The following CCDC83 variants were observed in gnomAD, a reference collection of about 807,000 sequenced individuals.
CCDC83 encodes the protein coiled-coil domain containing 83, also known as coiled-coil domain-containing protein 83.
A neutral mutation model predicts 50.1 loss-of-function variants in CCDC83; 54 were observed. The ratio of observed to expected loss-of-function variants is 1.08; its 90% confidence interval spans 0.87 to 1.35. The LOEUF (loss-of-function observed/expected upper bound fraction) is 1.35. Ranked by LOEUF, CCDC83 falls within the 40% of genes most tolerant of loss-of-function variation. CCDC83 has a pLI of 0.00. For synonymous variants in CCDC83, 161 were observed against 153.3 expected, an observed-to-expected ratio of 1.05 and a Z score of -0.37; for missense variants, 518 against 473.9, an observed-to-expected ratio of 1.09 and a Z score of -0.86.
chr11:85,909,666 A>G (rs2093444133), intron 7 of CCDC83, among the ~76,000 whole-genome samples: 1 of 113,502 alleles, frequency 8.8e-6, no homozygotes, highest in Non-Finnish European at 1.6e-5. Context: ...TCTGTTGCCC[A>G]GGCTGGAGTG....
At chr11:85,899,633 T>C (rs1356631231) in intron 7 of CCDC83, among the ~76,000 whole-genome samples, 2 of 152,228 alleles carry the variant, frequency 1.3e-5, no homozygotes, top group African/African-American at 4.8e-5. Context: ...TCTTGTTTTA[T>C]TGTAATTCTT....
intron 10 of CCDC83, among the ~76,000 whole-genome samples, chr11:85,918,460 T>A (rs1049040685): frequency 3.9e-5 from 6 of 152,176 alleles, no homozygotes; most frequent in African/African-American, 1.4e-4. Context: ...AGTTATGGCA[T>A]GGGAGACTTC....
intron 1 of CCDC83, 24 bp from the exon 2 acceptor site, chr11:85,865,072 T>G (rs1324060779): frequency 1.6e-6 from 2 of 1,256,928 alleles, no homozygotes; most frequent in Non-Finnish European, 2.3e-6. Context: ...ATTTTTCACT[T>G]TCGTATGTCT....
At chr11:85,918,555 A>G (rs1237462866) in intron 10 of CCDC83, among the ~76,000 whole-genome samples, 1 of 152,196 alleles carries the variant, frequency 6.6e-6, no homozygotes, top group Admixed American at 6.5e-5. Flanking sequence ...TTAGACTTCA[A>G]ATTCTGTTTG....
chr11:85,900,932 G>T (rs1313760924), intron 7 of CCDC83, among the ~76,000 whole-genome samples: 3 of 152,006 alleles, frequency 2.0e-5, no homozygotes, highest in African/African-American at 7.3e-5. Context: ...GGTCACGGTG[G>T]CTCACACCTG....
chr11:85,873,370 G>T (rs1346458996), intron 3 of CCDC83, 75 bp downstream of exon 3: 2 of 553,062 alleles, frequency 3.6e-6, no homozygotes, highest in Non-Finnish European at 6.3e-6. Flanking sequence ...GTGGATTATG[G>T]TGAAATATAC....
At chr11:85,907,280 A>G (rs1031378750) in intron 7 of CCDC83, among the ~76,000 whole-genome samples, 1 of 152,072 alleles carries the variant, frequency 6.6e-6, no homozygotes, top group African/African-American at 2.4e-5. Context: ...TTTTTCATGT[A>G]TTAGTTGTTA....
chr11:85,909,800 C>T (rs2093444838), intron 7 of CCDC83, among the ~76,000 whole-genome samples: 1 of 151,692 alleles, frequency 6.6e-6, no homozygotes, highest in Non-Finnish European at 1.5e-5. Flanking sequence ...AGAACCAGGA[C>T]ATTTTTTCCT....
intron 8 of CCDC83, chr11:85,912,651 A>G: frequency 2.5e-6 from 4 of 1,590,254 alleles, no homozygotes; most frequent in Non-Finnish European, 2.6e-6. Context: ...GTGATCAGGT[A>G]TCCAGTGCTA....
intron 3 of CCDC83, among the ~76,000 whole-genome samples, chr11:85,879,368 G>A (rs112528096): frequency 0.016 from 2,483 of 151,830 alleles, 69 homozygotes; most frequent in African/African-American, 0.055. Flanking sequence ...GTCCAGTTGC[G>A]TCTGCACTAT....
chr11:85,893,715 G>A (rs753051403), intron 5 of CCDC83, among the ~76,000 whole-genome samples: 1 of 152,100 alleles, frequency 6.6e-6, no homozygotes, highest in African/African-American at 2.4e-5. Context: ...TTTTAGGAGC[G>A]CAAACCCTAT....
chr11:85,861,212 T>C (rs774581297), intron 1 of CCDC83, among the ~76,000 whole-genome samples: 2 of 152,274 alleles, frequency 1.3e-5, no homozygotes, highest in South Asian at 2.1e-4. Flanking sequence ...GTTTTGAATA[T>C]GTATTTCAGC....
intron 3 of CCDC83, among the ~76,000 whole-genome samples, chr11:85,874,397 GT>G (rs2093257455): frequency 6.6e-6 from 1 of 152,156 alleles, no homozygotes; most frequent in Non-Finnish European, 1.5e-5. Context: ...GTTGTGGAAA[GT>G]AAAACAAATC....
chr11:85,911,340 A>C lies in CCDC83; in HGVS notation c.732A>C (p.Ala244=). ...ELKNAIHELE[A]ENLVLIDQLS... ...AAAATGCTATTCATGAACTGGAAGC[A>C]GAAAATTTGGTGCTTATTGATCAAC... The change falls in exon 8 of 11, where the codon GCA becomes GCC. Residue 244 remains alanine, a synonymous_variant. Coordinates refer to ENST00000342404, the MANE Select transcript of CCDC83 (RefSeq NM_001286159.2). The C allele has an allele frequency of 6.2e-7, 1 of 1,611,826 alleles. No individual in the cohort carries two copies. Among genetic ancestry groups the C allele is most frequent in the African/African-American group, 1.3e-5 (1 of 74,984 alleles).
intron 1 of CCDC83, among the ~76,000 whole-genome samples, chr11:85,861,030 C>T (rs865964340): frequency 1.3e-5 from 2 of 151,878 alleles, no homozygotes; most frequent in Non-Finnish European, 2.9e-5. Flanking sequence ...GGCCACAAGG[C>T]GAGGTTATTT....
chr11:85,860,251 G>A (rs976641292), intron 1 of CCDC83, among the ~76,000 whole-genome samples: 3 of 145,920 alleles, frequency 2.1e-5, no homozygotes, highest in Non-Finnish European at 3.0e-5. Context: ...GCAGTGAGCC[G>A]AGATTGTGCC....
At chr11:85,892,997 C>A (rs1443930391) in intron 5 of CCDC83, among the ~76,000 whole-genome samples, 5 of 152,180 alleles carry the variant, frequency 3.3e-5, no homozygotes, top group African/African-American at 1.2e-4. Flanking sequence ...CTATTAGAGG[C>A]AGAAACTGCC....
intron 1 of CCDC83, among the ~76,000 whole-genome samples, chr11:85,862,953 AT>A (rs2093185991): frequency 6.6e-6 from 1 of 152,224 alleles, no homozygotes; most frequent in Non-Finnish European, 1.5e-5. Context: ...TTTCACTCAT[AT>A]TTTATTAAAA....
intron 3 of CCDC83, among the ~76,000 whole-genome samples, chr11:85,878,427 C>A (rs149676481): frequency 6.6e-6 from 1 of 152,322 alleles, no homozygotes; most frequent in East Asian, 1.9e-4. Flanking sequence ...CAAATGGAAT[C>A]ATACAATAAG....
Sources: gnomAD v4.1 joint callset for allele counts (sites outside exome capture counted in the v4.1 genomes callset) on GRCh38, gnomAD v4.1.1 for gene constraint, MANE v1.5 for transcripts, NCBI Gene and HGNC (gene_info 2026-07-23, HGNC 2026-07-21) for gene names.